PEAK3: variants seen among roughly 807,000 people sequenced by gnomAD.
PEAK3 encodes the protein protein PEAK3.
A neutral mutation model predicts 13.3 loss-of-function variants in PEAK3; 15 were observed. That is an observed-to-expected ratio of 1.13 (90% confidence interval 0.75 to 1.73). PEAK3 has a LOEUF of 1.73. PEAK3 is among the 40% of genes most tolerant of loss of function. The pLI is 0.00. For synonymous variants in PEAK3, 347 were observed against 341.9 expected (o/e 1.01, Z -0.17); for missense variants, 739 against 690.2 (o/e 1.07, Z -0.79).
chr19:2,278,084 G>C (rs2025406900), intron 3 of PEAK3, among the ~76,000 whole-genome samples: 2 of 148,774 alleles, frequency 1.3e-5, no homozygotes, highest in South Asian at 4.3e-4. Flanking sequence ...AGGATGGTCT[G>C]TATCTCCTGA....
intron 1 of PEAK3, 41 bp from the exon 2 acceptor site, chr19:2,280,976 T>G (rs2025434198): frequency 7.4e-7 from 1 of 1,347,738 alleles, no homozygotes; most frequent in Admixed American, 2.3e-5. Flanking sequence ...GGTGACCGTG[T>G]GCACGCACAG....
chr19:2,278,652 T>G lies in PEAK3; in HGVS notation c.544A>C (p.Ser182Arg). ...ACGCGGTAATACAGGGCGTCCCCGC[T>G]CTCTGCGCAGGGTGAGCTGTCTAGG... ...RLLDSSPCAE[S>R]GDALYYRVVR... Residue 182 changes from serine (S) to arginine (R), a missense_variant, in exon 3 of 4, where the codon AGC becomes CGC. Ser to Arg is a moderately radical substitution (Grantham distance 110, BLOSUM62 -1). Coordinates refer to ENST00000342063, the MANE Select transcript of PEAK3 (RefSeq NM_198532.3). The G allele has an allele frequency of 1.3e-6, 2 of 1,510,036 alleles. No individual in the cohort carries two copies. The highest frequency in any genetic ancestry group is 1.8e-6 in the Non-Finnish European group (2 of 1,129,306). 93.5% of individuals were successfully genotyped at this position (1,510,036 alleles called of 1,614,324 possible). A position where few individuals can be genotyped will look rare whatever the true frequency, so the allele number is the denominator to read the frequency against.
intron 3 of PEAK3, among the ~76,000 whole-genome samples, chr19:2,277,017 C>CA (rs1423406618): frequency 6.6e-6 from 1 of 151,852 alleles, no homozygotes; most frequent in Non-Finnish European, 1.5e-5. Context: ...GTCTCAAAAA[C>CA]AAAAAACAAA....
rs201179719 is a variant in PEAK3, at chr19:2,278,608, G to A, written c.588C>T (p.Asp196=). Residue 196 remains aspartate, a synonymous_variant, in exon 3 of 4, where the codon GAC becomes GAT. Transcript: ENST00000342063. ...LYYRVVRAHE[D]AWHILVAKVP... ...CCTTGGCGACCAGGATGTGCCAGGC[G>A]TCCTCGTGCGCGCGCACCACGCGGT... is the stretch of plus-strand genomic sequence containing the variant. 6.3e-5 allele frequency: 93 copies of A among 1,486,932 alleles called. No homozygotes were observed. The highest frequency in any genetic ancestry group is 1.7e-4 in the African/African-American group (12 of 71,024). 92.1% of individuals were successfully genotyped at this position (1,486,932 alleles called of 1,614,324 possible).
intron 3 of PEAK3, 55 bp downstream of exon 3, chr19:2,278,529 T>C (rs2025411628): frequency 1.4e-6 from 2 of 1,386,732 alleles, no homozygotes; most frequent in African/African-American, 1.5e-5. Context: ...CCCTGGGTTA[T>C]GTCTAAGATG....
At chr19:2,278,345 G>C (rs575726437) in intron 3 of PEAK3, among the ~76,000 whole-genome samples, 1 of 122,870 alleles carries the variant, frequency 8.1e-6, no homozygotes, top group Non-Finnish European at 1.6e-5. Flanking sequence ...ATTTTTAGTA[G>C]AGGCTGGGTT....
chr19:2,278,580 T>C lies in PEAK3; in HGVS notation c.612+4A>G, dbSNP rs746015004. The stretch of plus-strand genomic sequence containing the variant: ...CTCAGAGAGGGTGGGGCTGTGGGGC[T>C]CACCTTGGCGACCAGGATGTGCCAG... On this transcript the variant is annotated splice_donor_region_variant and intron_variant, in intron 3 of 3. Coordinates refer to ENST00000342063, the MANE Select transcript of PEAK3 (RefSeq NM_198532.3). The C allele has an allele frequency of 6.8e-7, 1 of 1,477,462 alleles. No individual in the cohort carries two copies. The highest frequency in any genetic ancestry group is 9.0e-7 in the Non-Finnish European group (1 of 1,115,266). The allele number at this position is 1,477,462 out of a possible 1,614,324, so 91.5% of individuals were successfully genotyped here. A position where few individuals can be genotyped will look rare whatever the true frequency, so the allele number is the denominator to read the frequency against.
At chr19:2,281,353 T>C (rs1341336946) in intron 1 of PEAK3, among the ~76,000 whole-genome samples, 7 of 113,010 alleles carry the variant, frequency 6.2e-5, no homozygotes, top group African/African-American at 2.6e-4. Flanking sequence ...TTTCCTGCCC[T>C]CTCTGGGGCC....
At chr19:2,276,633 C>A (rs2025393413) in intron 3 of PEAK3, 144 bp from the exon 4 acceptor site, 1 of 647,070 alleles carries the variant, frequency 1.5e-6, no homozygotes, top group Non-Finnish European at 2.5e-6. Context: ...ATCCCTCCAG[C>A]AGCAGGAGGT....
chr19:2,281,794 A>T (rs1568409530), intron 1 of PEAK3, among the ~76,000 whole-genome samples: 3 of 149,704 alleles, frequency 2.0e-5, no homozygotes, highest in East Asian at 2.0e-4. Context: ...CTCTGGGCCC[A>T]CTTCCTCAAT....
At chr19:2,280,814 C>A (rs770020666) in intron 2 of PEAK3, 36 bp downstream of exon 2, 2 of 1,559,756 alleles carry the variant, frequency 1.3e-6, no homozygotes, top group Non-Finnish European at 1.7e-6. Flanking sequence ...GCTCCCTGCA[C>A]CCCCGCAGCC....
chr19:2,276,567 C>G (rs1162915285), intron 3 of PEAK3, 78 bp from the exon 4 acceptor site: 1 of 1,287,254 alleles, frequency 7.8e-7, no homozygotes, highest in Non-Finnish European at 1.0e-6. Context: ...CTACCTGCCC[C>G]GAAGCCTCCC....
intron 2 of PEAK3, among the ~76,000 whole-genome samples, chr19:2,280,043 T>C (rs2145074519): frequency 7.1e-6 from 1 of 140,202 alleles, no homozygotes; most frequent in South Asian, 2.3e-4. Context: ...CTTGAACCAT[T>C]GCACCTGGCC....
In PEAK3 at chr19:2,276,444, G is replaced by A. The variant is rs1419818392; in HGVS notation, c.658C>T (p.Leu220=). 2 of 1,583,196 alleles carry A rather than the reference G, an allele frequency of 1.3e-6. No individual in the cohort carries two copies. The highest frequency in any genetic ancestry group is 3.4e-5 in the Admixed American group (2 of 58,228). The part of the protein sequence containing the change: ...ADVPHPWGLE[L]QASLSPHFNL... Reference sequence around the variant, plus strand: ...AAGTGTGGAGACAGGGAGGCCTGCAGCTCCAGGCCCCACGGGTGGGGCACG... The same window carrying A: ...AAGTGTGGAGACAGGGAGGCCTGCAACTCCAGGCCCCACGGGTGGGGCACG... Residue 220 remains leucine (L), a synonymous_variant, in exon 4 of 4, where the codon CTG becomes TTG. Coordinates refer to ENST00000342063, the MANE Select transcript of PEAK3 (RefSeq NM_198532.3).
At position 2,276,472 on chromosome 19, in the gene PEAK3, C is replaced by A; in HGVS notation, c.630G>T (p.Ala210=). 1.3e-6 allele frequency: 2 copies of A among 1,548,962 alleles called. No homozygotes were observed. The highest frequency in any genetic ancestry group is 2.3e-5 in the South Asian group (2 of 85,224). Residue 210 remains alanine, a synonymous_variant, in exon 4 of 4, where the codon GCG becomes GCT. Transcript: ENST00000342063. The part of the protein sequence containing the change: ...ILVAKVPKPG[A]DVPHPWGLEL... ...CCAGGCCCCACGGGTGGGGCACGTC[C>A]GCCCCGGGCTTGGGCACCTGCAAGG...
At chr19:2,278,453 G>T in intron 3 of PEAK3, 131 bp downstream of exon 3, 4 of 1,092,312 alleles carry the variant, frequency 3.7e-6, no homozygotes, top group South Asian at 3.6e-5. Flanking sequence ...GAGCCACCGC[G>T]CCCGGCTCCA....
intron 3 of PEAK3, 41 bp from the exon 4 acceptor site, chr19:2,276,530 C>A: frequency 7.1e-7 from 1 of 1,414,780 alleles, no homozygotes; most frequent in Non-Finnish European, 9.2e-7. Context: ...ATCACTGGGC[C>A]CCCCACAAGC....
Position 2,278,453 on chromosome 19 carries a change from G to C in PEAK3, c.612+131C>G, listed in dbSNP as rs527880322. ...TGGGATGACAGGCGTGAGCCACCGC[G>C]CCCGGCTCCAGTATTTCTTTACAGC... On this transcript the variant is annotated intron_variant, in intron 3 of 3. Coordinates refer to ENST00000342063, the MANE Select transcript of PEAK3 (RefSeq NM_198532.3). 1.4e-4 allele frequency: 156 copies of C among 1,092,316 alleles called. 1 individual carries two copies. In the East Asian group the frequency reaches 4.8e-3, roughly 34 times the overall value. 67.7% of individuals were successfully genotyped at this position (1,092,316 alleles called of 1,614,324 possible).
At chr19:2,280,997 G>A (rs2025434483) in intron 1 of PEAK3, 62 bp from the exon 2 acceptor site, 2 of 1,131,336 alleles carry the variant, frequency 1.8e-6, no homozygotes, top group East Asian at 5.4e-5. Flanking sequence ...GGCGACATGG[G>A]GAGGGGTCCG....
Sources: allele counts gnomAD v4.1 joint callset (sites outside exome capture counted in the v4.1 genomes callset), GRCh38; gene constraint gnomAD v4.1.1; transcripts MANE v1.5; gene names NCBI Gene and HGNC (gene_info 2026-07-23, HGNC 2026-07-21).